The following SSBP3 variants were observed in gnomAD, a reference collection of about 807,000 sequenced individuals.
SSBP3 encodes single-stranded DNA-binding protein 3.
In SSBP3, 5 loss-of-function variants were observed where a neutral mutation model predicts 69.6. The observed-to-expected ratio is 0.07, with a 90% CI of 0.04 to 0.15. The LOEUF (loss-of-function observed/expected upper bound fraction) is 0.15. Among genes scored for constraint, SSBP3 ranks in the 10% least tolerant of loss-of-function variants. The pLI is 1.00. For synonymous variants in SSBP3, 196 were observed against 193.4 expected, an observed-to-expected ratio of 1.01 and a Z score of -0.11; for missense variants, 312 against 534.0, an observed-to-expected ratio of 0.58 and a Z score of 4.10.
At position 54,377,645 on chromosome 1, in the gene SSBP3, T is replaced by C. The variant is rs535696569; in HGVS notation, c.276+24216A>G. On this transcript the variant is annotated intron_variant, in intron 4 of 17. Transcript: ENST00000610401. ...GACACATTTTTACAAAGCCACTGTT[T>C]AAATGTTCTAATGGATTCCTGTGGC... Among the ~76,000 whole-genome samples, 5 of 152,326 alleles carry C rather than the reference T, an allele frequency of 3.3e-5. No homozygotes were observed. The East Asian group carries it at 9.6e-4, about 29-fold the overall frequency.
intron 4 of SSBP3, among the ~76,000 whole-genome samples, chr1:54,379,045 C>G (rs1647415448): frequency 6.6e-6 from 1 of 152,198 alleles, no homozygotes; most frequent in African/African-American, 2.4e-5. Flanking sequence ...CCCCAACCCA[C>G]TTGTTCATAG....
At chr1:54,326,716 A>C (rs1356574797) in intron 4 of SSBP3, among the ~76,000 whole-genome samples, 1 of 152,122 alleles carries the variant, frequency 6.6e-6, no homozygotes, top group African/African-American at 2.4e-5. Context: ...CCTTGTCTGC[A>C]ATTTCATTAG....
At chr1:54,261,224 G>A (rs1248060742) in intron 5 of SSBP3, among the ~76,000 whole-genome samples, 1 of 152,264 alleles carries the variant, frequency 6.6e-6, no homozygotes, top group Non-Finnish European at 1.5e-5. Flanking sequence ...GCTTCTGCAA[G>A]GAACATGACA....
intron 4 of SSBP3, among the ~76,000 whole-genome samples, chr1:54,298,579 AACTTCTTTTCGTAGCTTTAGAGCTCT>A (rs1399482013): frequency 3.9e-5 from 6 of 152,158 alleles, no homozygotes; most frequent in Non-Finnish European, 5.9e-5. Context: ...TTACCTCTCC[AACTTCTTTTCGTAGCTTTAGAGCTCT>A]ACTTCATTCA....
At chr1:54,409,588 G>A (rs911708648), upstream of SSBP3, among the ~76,000 whole-genome samples, 1 of 151,966 alleles carries the variant, frequency 6.6e-6, no homozygotes, top group African/African-American at 2.4e-5. Context: ...CCAACAATAG[G>A]GTTAGATAAG....
At chr1:54,331,954 C>G (rs1646424351) in intron 4 of SSBP3, among the ~76,000 whole-genome samples, 1 of 152,344 alleles carries the variant, frequency 6.6e-6, no homozygotes, top group Admixed American at 6.5e-5. Context: ...CAGTGTGGCT[C>G]TTGCTCCCTT....
chr1:54,333,167 G>C (rs1334033022), intron 4 of SSBP3, among the ~76,000 whole-genome samples: 1 of 152,134 alleles, frequency 6.6e-6, no homozygotes, highest in Non-Finnish European at 1.5e-5. Context: ...AGCCCTGGGA[G>C]CCAGCCAGCT....
Position 54,305,001 on chromosome 1 carries a change from A to C in SSBP3, c.277-23474T>G, listed in dbSNP as rs979376526. 5.9e-5 allele frequency among the ~76,000 whole-genome samples: 9 copies of C among 152,236 alleles called. No homozygotes were observed. In the South Asian group the frequency reaches 1.9e-3, roughly 32 times the overall value. On this transcript the variant is annotated intron_variant, in intron 4 of 17. Transcript: ENST00000610401. Reference sequence around the variant, plus strand: ...GCTCTTAGTGGAGCATGTGCACTCCACCAGCATGGCTGAGGCTGTCCTCCA... The same window carrying C: ...GCTCTTAGTGGAGCATGTGCACTCCCCCAGCATGGCTGAGGCTGTCCTCCA...
At chr1:54,233,653 G>T (rs1222264416) in intron 14 of SSBP3, among the ~76,000 whole-genome samples, 4 of 136,896 alleles carry the variant, frequency 2.9e-5, no homozygotes, top group Admixed American at 7.1e-5. Context: ...CTGCCCGGCC[G>T]CCCCTACTGG....
intron 4 of SSBP3, among the ~76,000 whole-genome samples, chr1:54,356,124 C>G (rs1435730338): frequency 6.6e-6 from 1 of 152,158 alleles, no homozygotes; most frequent in Non-Finnish European, 1.5e-5. Context: ...CTACGGCAAC[C>G]ATATCTTGCA....
intron 4 of SSBP3, among the ~76,000 whole-genome samples, chr1:54,292,750 A>G (rs1429457165): frequency 1.3e-5 from 2 of 152,184 alleles, no homozygotes; most frequent in Middle Eastern, 3.2e-3. Context: ...TCACCAGGAC[A>G]TGAATTCCGT....
intron 4 of SSBP3, among the ~76,000 whole-genome samples, chr1:54,293,064 C>T (rs954843354): frequency 3.3e-5 from 5 of 152,090 alleles, no homozygotes; most frequent in Non-Finnish European, 4.4e-5. Flanking sequence ...GACCAAGACA[C>T]AGCCCCAGCC....
At chr1:54,330,902 G>A (rs943926140) in intron 4 of SSBP3, among the ~76,000 whole-genome samples, 1 of 152,158 alleles carries the variant, frequency 6.6e-6, no homozygotes, top group African/African-American at 2.4e-5. Context: ...TGGTGCCAGG[G>A]AGCAGGGATC....
chr1:54,363,253 A>T (rs1183088081), intron 4 of SSBP3, among the ~76,000 whole-genome samples: 1 of 152,074 alleles, frequency 6.6e-6, no homozygotes, highest in East Asian at 1.9e-4. Flanking sequence ...CCTCCTAACC[A>T]CACAGTGCCT....
At position 54,332,809 on chromosome 1, in the gene SSBP3, G is replaced by A. The variant is rs547170293; in HGVS notation, c.277-51282C>T. ...CACTCAACAAGGGCCCTGAGAGGGC[G>A]TCAAGCGCATCAGAGAGTCAGATTC... is the stretch of plus-strand genomic sequence containing the variant. On this transcript the variant is annotated intron_variant, in intron 4 of 17. Transcript: ENST00000610401. Among the ~76,000 whole-genome samples, 139 of 152,326 alleles carry A rather than the reference G, an allele frequency of 9.1e-4. 2 individuals carry two copies. Among genetic ancestry groups the A allele is most frequent in the Admixed American group, 1.0e-3 (16 of 15,304 alleles).
chr1:54,396,193 GAAAAAAAA>G (rs59276509), intron 4 of SSBP3, among the ~76,000 whole-genome samples: 7,466 of 40,310 alleles, frequency 0.19, 164 homozygotes, highest in Non-Finnish European at 0.26. Context: ...CTCCATCTCA[GAAAAAAAA>G]AAAAAAAAAA....
At chr1:54,325,648 T>A (rs187971051) in intron 4 of SSBP3, among the ~76,000 whole-genome samples, 11 of 152,344 alleles carry the variant, frequency 7.2e-5, no homozygotes, top group African/African-American at 2.6e-4. Context: ...ATTATTGGAT[T>A]AATTTATAAT....
chr1:54,289,042 AAAC>A (rs1557499482), intron 4 of SSBP3, among the ~76,000 whole-genome samples: 4 of 54,756 alleles, frequency 7.3e-5, no homozygotes, highest in African/African-American at 1.3e-4. Context: ...AAAAACAAAA[AAAC>A]AAAAAAAAAA....
intron 5 of SSBP3, among the ~76,000 whole-genome samples, chr1:54,274,724 C>G (rs1000939470): frequency 2.0e-5 from 3 of 152,200 alleles, no homozygotes; most frequent in African/African-American, 7.2e-5. Flanking sequence ...GCCAAGGGCC[C>G]AGCCCCTCCA....
Sources: allele counts gnomAD v4.1 joint callset (sites outside exome capture counted in the v4.1 genomes callset), GRCh38; gene constraint gnomAD v4.1.1; transcripts MANE v1.5; gene names NCBI Gene and HGNC (gene_info 2026-07-23, HGNC 2026-07-21).